GPHN: variants seen among roughly 807,000 people sequenced by gnomAD.
GPHN encodes gephyrin.
GPHN carries 17 observed loss-of-function variants against 95.5 expected under a neutral mutation model. The observed-to-expected ratio is 0.18, with a 90% CI of 0.12 to 0.27. GPHN has a LOEUF of 0.27. Ranked by LOEUF, GPHN falls within the 10% of genes least tolerant of loss-of-function variation. The probability of loss-of-function intolerance (pLI) is 1.00; values close to 1 mark genes in which losing one functional copy is unlikely to be tolerated. For synonymous variants in GPHN, 320 were observed against 322.5 expected (o/e 0.99, Z 0.08); for missense variants, 660 against 978.1 (o/e 0.67, Z 4.34).
intron 1 of GPHN, among the ~76,000 whole-genome samples, chr14:66,621,771 C>T (rs559064171): frequency 2.6e-5 from 4 of 152,326 alleles, no homozygotes; most frequent in African/African-American, 4.8e-5. Context: ...CTCCATATCT[C>T]ATGTCCGGGT....
chr14:66,921,056 C>T (rs889303925), intron 6 of GPHN, among the ~76,000 whole-genome samples: 1 of 152,142 alleles, frequency 6.6e-6, no homozygotes, highest in Non-Finnish European at 1.5e-5. Context: ...CTGCTATAAA[C>T]ATGTGTGTGC....
the GPHN span, among the ~76,000 whole-genome samples, chr14:67,229,926 G>A: frequency 1.3e-5 from 2 of 152,092 alleles, no homozygotes; most frequent in South Asian, 2.1e-4. Context: ...TCCTCTCCCT[G>A]CTGTTCCAAA....
chr14:67,087,283 A>T (rs546317960), intron 11 of GPHN, among the ~76,000 whole-genome samples: 2 of 152,026 alleles, frequency 1.3e-5, no homozygotes, highest in East Asian at 1.9e-4. Flanking sequence ...GAGCTGATGT[A>T]TAGCTTACAT....
At chr14:67,729,589 T>G in the GPHN span, 3 of 642,338 alleles carry the variant, frequency 4.7e-6, no homozygotes, top group Non-Finnish European at 8.3e-6. Context: ...GGCTTTATTT[T>G]ATACTCGTGT....
the GPHN span, chr14:67,576,303 TG>T: frequency 1.4e-6 from 1 of 694,774 alleles, no homozygotes; most frequent in Non-Finnish European, 2.5e-6. This position sits in a 1 kb window ranked among gnomAD's most constrained non-coding sequence, Gnocchi z 4.0. Flanking sequence ...GAACCCCACA[TG>T]GGCTTGGTCC....
intron 1 of GPHN, among the ~76,000 whole-genome samples, chr14:66,584,395 A>T (rs2140502681): frequency 6.6e-6 from 1 of 152,218 alleles, no homozygotes; most frequent in Middle Eastern, 3.4e-3. Context: ...CTCCTGCCTG[A>T]TTGTTCTGGC....
At chr14:66,579,234 A>G (rs1269608265) in intron 1 of GPHN, among the ~76,000 whole-genome samples, 1 of 151,892 alleles carries the variant, frequency 6.6e-6, no homozygotes, top group East Asian at 1.9e-4. Flanking sequence ...ATCAAAGCAT[A>G]CCACAACAGA....
At chr14:67,126,463 G>A (rs113612023) in intron 17 of GPHN, among the ~76,000 whole-genome samples, 2,386 of 152,316 alleles carry the variant, frequency 0.016, 27 homozygotes, top group Middle Eastern at 0.088. Flanking sequence ...GATAGGAAAA[G>A]AGAGTGTGTT....
chr14:67,559,744 C>A, the GPHN span: 1 of 1,237,360 alleles, frequency 8.1e-7, no homozygotes, highest in Non-Finnish European at 1.2e-6. Context: ...TGGGCCTGCC[C>A]TGACCCCCGG....
At chr14:66,955,620 A>C (rs1244611529) in intron 8 of GPHN, among the ~76,000 whole-genome samples, 1 of 152,172 alleles carries the variant, frequency 6.6e-6, no homozygotes, top group African/African-American at 2.4e-5. Flanking sequence ...TTACATATGT[A>C]TACATGTGCC....
At chr14:66,677,938 T>A (rs991603655) in intron 1 of GPHN, among the ~76,000 whole-genome samples, 1 of 152,158 alleles carries the variant, frequency 6.6e-6, no homozygotes, top group African/African-American at 2.4e-5. Flanking sequence ...TCTTGGCTTA[T>A]AATGGTTCTG....
intron 3 of GPHN, among the ~76,000 whole-genome samples, chr14:66,796,022 C>T (rs1317627610): frequency 6.6e-6 from 1 of 152,114 alleles, no homozygotes; most frequent in Admixed American, 6.6e-5. Flanking sequence ...CATCTTTTTA[C>T]CCTCTAACTC....
chr14:67,587,139 C>A, the GPHN span: 37 of 1,613,856 alleles, frequency 2.3e-5, no homozygotes, highest in African/African-American at 3.1e-4. Flanking sequence ...TGAACCCCCC[C>A]ACCAACCCAC....
intron 1 of GPHN, among the ~76,000 whole-genome samples, chr14:66,572,965 C>T (rs890123316): frequency 7.2e-5 from 11 of 152,106 alleles, no homozygotes; most frequent in Admixed American, 2.6e-4. Context: ...CCTTTGCCTT[C>T]TTCTTTGACA....
chr14:66,712,831 G>T (rs1328049198), intron 2 of GPHN, among the ~76,000 whole-genome samples: 1 of 152,038 alleles, frequency 6.6e-6, no homozygotes, highest in Non-Finnish European at 1.5e-5. Context: ...TTTTGATTAT[G>T]GCCATTCTTG....
chr14:67,109,218 C>G (rs1370238337), intron 13 of GPHN, among the ~76,000 whole-genome samples: 1 of 152,182 alleles, frequency 6.6e-6, no homozygotes, highest in Non-Finnish European at 1.5e-5. Context: ...CCTTATGCAG[C>G]ACGTGACTAT....
At chr14:66,802,413 A>G (rs570061069) in intron 3 of GPHN, among the ~76,000 whole-genome samples, 2 of 152,130 alleles carry the variant, frequency 1.3e-5, no homozygotes, top group Non-Finnish European at 2.9e-5. Context: ...TCCAAGAGGC[A>G]GTTCCTGGAA....
intron 1 of GPHN, among the ~76,000 whole-genome samples, chr14:66,638,461 A>G (rs904608142): frequency 6.6e-6 from 1 of 151,050 alleles, no homozygotes; most frequent in African/African-American, 2.5e-5. Flanking sequence ...CAACGACAAC[A>G]ACAACAACAA....
At chr14:67,416,358 G>A in the GPHN span, among the ~76,000 whole-genome samples, 1 of 152,170 alleles carries the variant, frequency 6.6e-6, no homozygotes, top group African/African-American at 2.4e-5. Flanking sequence ...GAACTGAGAA[G>A]TTGCTGGAAA....
Sources: gnomAD v4.1 joint callset for allele counts (sites outside exome capture counted in the v4.1 genomes callset) on GRCh38, gnomAD v4.1.1 for gene constraint, Gnocchi (gnomAD v3.1) non-coding constraint, MANE v1.5 for transcripts, NCBI Gene and HGNC (gene_info 2026-07-23, HGNC 2026-07-21) for gene names.